The following PTPRG variants were observed in gnomAD, a reference collection of about 807,000 sequenced individuals.
The protein encoded by PTPRG is receptor-type tyrosine-protein phosphatase gamma.
PTPRG carries 102 observed loss-of-function variants against 165.3 expected under a neutral mutation model. The ratio of observed to expected loss-of-function variants is 0.62; its 90% CI spans 0.53 to 0.73. The LOEUF is 0.73. Ranked by LOEUF, PTPRG falls within the 30% of genes least tolerant of loss-of-function variation. PTPRG has a pLI of 0.00. For missense variants in PTPRG, 1,866 were observed against 1,861.4 expected (o/e 1.00, Z -0.05); for synonymous variants, 675 against 669.5 (o/e 1.01, Z -0.13).
chr3:61,584,037 T>A (rs1700373249), intron 1 of PTPRG, among the ~76,000 whole-genome samples: 2 of 152,198 alleles, frequency 1.3e-5, no homozygotes, highest in South Asian at 4.1e-4. Context: ...TTCATTTCTT[T>A]GTTTGGTTTT....
chr3:62,165,506 C>T (rs1704937551), intron 7 of PTPRG, among the ~76,000 whole-genome samples: 1 of 152,114 alleles, frequency 6.6e-6, no homozygotes, highest in Admixed American at 6.6e-5. Flanking sequence ...CATGTCTTGC[C>T]TTTCCTTTGC....
intron 2 of PTPRG, among the ~76,000 whole-genome samples, chr3:61,834,342 CT>C (rs1200937691): frequency 6.6e-6 from 1 of 152,034 alleles, no homozygotes; most frequent in Non-Finnish European, 1.5e-5. Context: ...AGATACTACC[CT>C]GGCAGGGGGT....
chr3:62,272,012 T>G (rs1702084274), intron 21 of PTPRG, among the ~76,000 whole-genome samples: 1 of 152,098 alleles, frequency 6.6e-6, no homozygotes, highest in Non-Finnish European at 1.5e-5. Context: ...GAAGGATCCC[T>G]TGAACCCAGT....
chr3:61,997,334 T>TTC (rs2041062524), intron 3 of PTPRG, among the ~76,000 whole-genome samples: 1 of 152,124 alleles, frequency 6.6e-6, no homozygotes, highest in Non-Finnish European at 1.5e-5. Flanking sequence ...CTCTTTGTTG[T>TTC]TCTCTCTCTC....
intron 28 of PTPRG, among the ~76,000 whole-genome samples, chr3:62,284,438 G>T (rs1230930013): frequency 1.3e-5 from 2 of 152,006 alleles, no homozygotes; most frequent in African/African-American, 4.8e-5. Context: ...CAGTAGATCT[G>T]CAAATATCAT....
At chr3:62,018,433 T>C (rs1184325292) in intron 4 of PTPRG, among the ~76,000 whole-genome samples, 1 of 152,178 alleles carries the variant, frequency 6.6e-6, no homozygotes, top group Non-Finnish European at 1.5e-5. Context: ...AATCCCACAA[T>C]GTCAGCAGGA....
At chr3:61,623,959 T>A (rs995481420) in intron 1 of PTPRG, among the ~76,000 whole-genome samples, 9 of 152,180 alleles carry the variant, frequency 5.9e-5, no homozygotes, top group African/African-American at 2.2e-4. Context: ...TGAAGGCATA[T>A]CCAAAGTTCT....
chr3:61,989,610 G>A lies in PTPRG; in HGVS notation c.191-15G>A. ...CTTGAACCATGAGGATTGAAGTGTTGTCTTCTTTCAACAGGTGCCTATGGT... is the reference window on the plus strand; with the variant it reads ...CTTGAACCATGAGGATTGAAGTGTTATCTTCTTTCAACAGGTGCCTATGGT... On this transcript the variant is annotated splice_polypyrimidine_tract_variant and intron_variant, in intron 2 of 29. Coordinates refer to ENST00000474889, the MANE Select transcript of PTPRG (RefSeq NM_002841.4). 1.2e-6 allele frequency: 2 copies of A among 1,609,826 alleles called. No individual in the cohort carries two copies. Among genetic ancestry groups the A allele is most frequent in the African/African-American group, 1.3e-5 (1 of 74,852 alleles).
intron 10 of PTPRG, among the ~76,000 whole-genome samples, chr3:62,199,094 C>A (rs559448133): frequency 6.6e-6 from 1 of 152,232 alleles, no homozygotes; most frequent in African/African-American, 2.4e-5. Flanking sequence ...AATAGAGCTC[C>A]TTTTAAAGGG....
At position 62,195,503 on chromosome 3, in the gene PTPRG, A is replaced by G. The variant is rs115141213; in HGVS notation, c.1327+333A>G. ...TCACTTCCAAGTTGTACCGCTGAAT[A>G]TCCTCTTTGTCTTTCTAACGTGATT... On this transcript the variant is annotated intron_variant, in intron 10 of 29. Coordinates refer to ENST00000474889, the MANE Select transcript of PTPRG (RefSeq NM_002841.4). The surrounding 1 kb of genome is among the most constrained non-coding windows in gnomAD (Gnocchi z 4.4). Among the ~76,000 whole-genome samples the G allele has an allele frequency of 1.8e-3, 279 of 152,274 alleles. 1 individual carries two copies. The highest frequency in any genetic ancestry group is 5.9e-3 in the African/African-American group (244 of 41,556).
Position 62,003,400 on chromosome 3 carries a change from G to T in PTPRG, c.422G>T (p.Gly141Val), listed in dbSNP as rs1362184918. The change falls in exon 4 of 30, where the codon GGC becomes GTC. Residue 141 changes from glycine (G) to valine (V), a missense_variant. Around this residue, in one of 3 missense-constraint regions of PTPRG, gnomAD observed 408 missense variants for 376.2 expected, o/e 1.08. Coordinates refer to ENST00000474889, the MANE Select transcript of PTPRG (RefSeq NM_002841.4). ...DYFVSGAGLP[G>V]RFKAEKVEFH... ...TTTGTCAGTGGAGCTGGTCTACCTG[G>T]CAGATTCAAAGCTGAGAAGGTGGAA... 6.2e-7 allele frequency: 1 copy of T among 1,614,014 alleles called. No individual in the cohort carries two copies. Among genetic ancestry groups the T allele is most frequent in the Non-Finnish European group, 8.5e-7 (1 of 1,179,922 alleles).
Position 62,284,380 on chromosome 3 carries a change from G to A in PTPRG, c.4055+1511G>A, listed in dbSNP as rs572303919. 2.3e-3 allele frequency among the ~76,000 whole-genome samples: 354 copies of A among 151,976 alleles called. 2 individuals are homozygous for A. Among genetic ancestry groups the A allele is most frequent in the Non-Finnish European group, 3.8e-3 (259 of 67,964 alleles). On this transcript the variant is annotated intron_variant, in intron 28 of 29. Transcript: ENST00000474889. The stretch of plus-strand genomic sequence containing the variant: ...CTCCAGAATTAATCAGATGTATACA[G>A]GCCTCATTCTTAGGCCTGTATACAA...
chr3:61,716,329 G>A (rs1437953045), intron 1 of PTPRG, among the ~76,000 whole-genome samples: 2 of 152,022 alleles, frequency 1.3e-5, no homozygotes, highest in East Asian at 1.9e-4. Context: ...AGTGAATTTT[G>A]TTGTTTATCA....
intron 1 of PTPRG, among the ~76,000 whole-genome samples, chr3:61,598,422 A>T (rs1011926993): frequency 6.6e-6 from 1 of 152,148 alleles, no homozygotes; most frequent in African/African-American, 2.4e-5. Context: ...CTTATCTCTG[A>T]ACTAGGATGT....
intron 2 of PTPRG, among the ~76,000 whole-genome samples, chr3:61,905,085 G>A (rs965248728): frequency 1.3e-5 from 2 of 152,064 alleles, no homozygotes; most frequent in South Asian, 2.1e-4. Context: ...CTCCCTGCTC[G>A]AAAGATTGCC....
At chr3:61,999,828 C>T (rs2041128469) in intron 3 of PTPRG, among the ~76,000 whole-genome samples, 1 of 152,080 alleles carries the variant, frequency 6.6e-6, no homozygotes, top group Admixed American at 6.5e-5. Flanking sequence ...TATGCTTATT[C>T]TTGAGTAAAA....
In PTPRG at chr3:62,046,817, A is replaced by T. The variant is rs79913247; in HGVS notation, c.520-31346A>T. ...TATCTGGATTGTTTTGACTGTTGTT[A>T]TGTGGAAAGATGTTTTAGACCTGCA... On this transcript the variant is annotated intron_variant, in intron 4 of 29. Transcript: ENST00000474889. 8.0e-3 allele frequency among the ~76,000 whole-genome samples: 1,223 copies of T among 152,282 alleles called. 21 individuals are homozygous for T. The highest frequency in any genetic ancestry group is 0.028 in the African/African-American group (1,181 of 41,564).
At chr3:61,797,801 C>T (rs543187381) in intron 2 of PTPRG, among the ~76,000 whole-genome samples, 87 of 151,936 alleles carry the variant, frequency 5.7e-4, no homozygotes, top group Admixed American at 1.0e-3. Context: ...CTTGACAGTG[C>T]CCTCAGTTTC....
chr3:62,178,182 G>GATGGATGC (rs1705506245), intron 8 of PTPRG, among the ~76,000 whole-genome samples: 1 of 150,206 alleles, frequency 6.7e-6, no homozygotes, highest in Non-Finnish European at 1.5e-5. Context: ...TGGATGGATG[G>GATGGATGC]ATGCACATGT....
Sources: allele counts gnomAD v4.1 joint callset (sites outside exome capture counted in the v4.1 genomes callset), GRCh38; gene constraint gnomAD v4.1.1; regional missense constraint gnomAD v4.1.1; non-coding constraint Gnocchi (gnomAD v3.1); transcripts MANE v1.5; gene names NCBI Gene and HGNC (gene_info 2026-07-23, HGNC 2026-07-21).